Variants in DNAJC27 observed in about 807,000 individuals in gnomAD.
DNAJC27 encodes dnaJ homolog subfamily C member 27.
DNAJC27 carries 25 observed loss-of-function variants against 31.4 expected under a neutral mutation model. The observed-to-expected ratio is 0.80, with a 90% CI of 0.58 to 1.11. The LOEUF is 1.11. Among genes scored for constraint, DNAJC27 ranks in the 50% most tolerant of loss-of-function variants. The pLI is 0.00. For synonymous variants in DNAJC27, 106 were observed against 112.7 expected, an observed-to-expected ratio of 0.94 and a Z score of 0.37; for missense variants, 356 against 347.3, an observed-to-expected ratio of 1.02 and a Z score of -0.20.
chr2:24,954,508 G>C (rs1341395752), intron 5 of DNAJC27, among the ~76,000 whole-genome samples: 2 of 152,164 alleles, frequency 1.3e-5, no homozygotes, highest in Non-Finnish European at 2.9e-5. Context: ...GAAGGGCTTG[G>C]GAAACACTTT....
Position 24,946,355 on chromosome 2 carries a change from T to C in DNAJC27, c.*1261A>G, listed in dbSNP as rs1020924860. 9.9e-5 allele frequency: 15 copies of C among 152,256 alleles called. No individual in the cohort carries two copies. The highest frequency in any genetic ancestry group is 3.6e-4 in the African/African-American group (15 of 41,436). The allele number at this position is 152,256 out of a possible 1,614,324, so 9.4% of individuals were successfully genotyped here. A position where few individuals can be genotyped will look rare whatever the true frequency, so the allele number is the denominator to read the frequency against. ...GATCAACCAGATTCAGGCCAAGGCTTAGAAGAGGGAGGAGGCAGTGGCCAG... is the reference window on the plus strand; with the variant it reads ...GATCAACCAGATTCAGGCCAAGGCTCAGAAGAGGGAGGAGGCAGTGGCCAG... On this transcript the variant is annotated 3_prime_UTR_variant, in exon 7 of 7. Coordinates refer to ENST00000264711, the MANE Select transcript of DNAJC27 (RefSeq NM_016544.3).
intron 1 of DNAJC27, among the ~76,000 whole-genome samples, chr2:24,968,059 G>T (rs141504487): frequency 6.6e-6 from 1 of 150,982 alleles, no homozygotes; most frequent in African/African-American, 2.4e-5. Flanking sequence ...CTCAAAAAGA[G>T]AAAAAAAATT....
chr2:24,958,048 C>T, intron 3 of DNAJC27, 74 bp from the exon 4 acceptor site: 2 of 1,396,828 alleles, frequency 1.4e-6, no homozygotes, highest in Admixed American at 2.0e-5. Flanking sequence ...AGTCATTAAC[C>T]TGGCAAAGTG....
intron 4 of DNAJC27, 46 bp downstream of exon 4, chr2:24,957,764 C>T (rs2149125467): frequency 6.5e-7 from 1 of 1,547,932 alleles, no homozygotes; most frequent in Non-Finnish European, 8.9e-7. Context: ...CTCAAAGCTC[C>T]ACTCTTTCCC....
chr2:24,968,168 TAAC>T (rs1327436944), intron 1 of DNAJC27, among the ~76,000 whole-genome samples: 1 of 152,228 alleles, frequency 6.6e-6, no homozygotes, highest in Admixed American at 6.5e-5. Context: ...TTTTCTCTCT[TAAC>T]AATAATAAAT....
At chr2:24,965,503 G>A (rs1364442033) in intron 2 of DNAJC27, among the ~76,000 whole-genome samples, 2 of 152,072 alleles carry the variant, frequency 1.3e-5, no homozygotes, top group African/African-American at 4.8e-5. Context: ...TGATCTGCCT[G>A]CCTTGGCCTC....
intron 5 of DNAJC27, among the ~76,000 whole-genome samples, chr2:24,951,945 C>T (rs1665785274): frequency 6.6e-6 from 1 of 152,004 alleles, no homozygotes; most frequent in African/African-American, 2.4e-5. Flanking sequence ...CACGTCTCCA[C>T]ACACACAAAA....
rs749720100 is a variant in DNAJC27 at position 24,947,500 on chromosome 2, C to T, written c.*116G>A. ...TGAATTACTGATATACAAATGACAACACATGAATGAAAAGAGCAGTGAGAT... is the reference window on the plus strand; with the variant it reads ...TGAATTACTGATATACAAATGACAATACATGAATGAAAAGAGCAGTGAGAT... On this transcript the variant is annotated 3_prime_UTR_variant, in exon 7 of 7. Coordinates refer to ENST00000264711, the MANE Select transcript of DNAJC27 (RefSeq NM_016544.3). 2.4e-6 allele frequency: 3 copies of T among 1,268,416 alleles called. No individual in the cohort carries two copies. In the African/African-American group the frequency reaches 4.5e-5, roughly 19 times the overall value. The allele number at this position is 1,268,416 out of a possible 1,614,324, so 78.6% of individuals were successfully genotyped here.
chr2:24,944,186 G>A lies in DNAJC27; in HGVS notation c.*3430C>T, dbSNP rs1225314287. On this transcript the variant is annotated 3_prime_UTR_variant, in exon 7 of 7. Coordinates refer to ENST00000264711, the MANE Select transcript of DNAJC27 (RefSeq NM_016544.3). The stretch of plus-strand genomic sequence containing the variant: ...TTCAGAGTAAGCTTGATGGGGTACA[G>A]TGGCAAAGGAGGTGACATTCCCATG... 1 of 152,176 alleles carries A rather than the reference G, an allele frequency of 6.6e-6. No homozygotes were observed. Among genetic ancestry groups the A allele is most frequent in the Non-Finnish European group, 1.5e-5 (1 of 68,040 alleles). The allele number at this position is 152,176 out of a possible 1,614,324, so 9.4% of individuals were successfully genotyped here.
At chr2:24,956,958 T>C in intron 5 of DNAJC27, 85 bp downstream of exon 5, 2 of 1,490,420 alleles carry the variant, frequency 1.3e-6, no homozygotes, top group South Asian at 1.3e-5. Context: ...GAAATTCCTA[T>C]TACTTTTTTG....
At chr2:24,971,774 C>T (rs1457322784) in intron 1 of DNAJC27, 44 bp downstream of exon 1, 2 of 1,544,936 alleles carry the variant, frequency 1.3e-6, no homozygotes, top group Non-Finnish European at 1.7e-6. Flanking sequence ...GGACACGTCG[C>T]CCCGCCACGC....
In DNAJC27 at chr2:24,945,273, A is replaced by G. The variant is rs533977630; in HGVS notation, c.*2343T>C. The G allele has an allele frequency of 6.6e-6, 1 of 152,352 alleles. No homozygotes were observed. The highest frequency in any genetic ancestry group is 2.4e-5 in the African/African-American group (1 of 41,588). 9.4% of individuals were successfully genotyped at this position (152,352 alleles called of 1,614,324 possible). On this transcript the variant is annotated 3_prime_UTR_variant, in exon 7 of 7. Coordinates refer to ENST00000264711, the MANE Select transcript of DNAJC27 (RefSeq NM_016544.3). ...TACGTAAATGAAGTGGTATATGGCCATTCTTAACATTAATAATGAAGGTGT... is the reference window on the plus strand; with the variant it reads ...TACGTAAATGAAGTGGTATATGGCCGTTCTTAACATTAATAATGAAGGTGT...
chr2:24,965,966 A>T (rs1277294703), intron 2 of DNAJC27, among the ~76,000 whole-genome samples: 1 of 152,190 alleles, frequency 6.6e-6, no homozygotes, highest in Non-Finnish European at 1.5e-5. Context: ...ATAAATTTTC[A>T]GGGAGTTTAT....
intron 6 of DNAJC27, among the ~76,000 whole-genome samples, chr2:24,948,163 C>T (rs958614121): frequency 6.6e-6 from 1 of 151,902 alleles, no homozygotes; most frequent in Admixed American, 6.6e-5. Flanking sequence ...GAATGGAGCC[C>T]GAACACAGCA....
Position 24,947,545 on chromosome 2 carries a change from C to T in DNAJC27, c.*71G>A, listed in dbSNP as rs139413975. The T allele has an allele frequency of 1.3e-3, 1,917 of 1,519,492 alleles. 2 individuals are homozygous for T. Among genetic ancestry groups the T allele is most frequent in the Non-Finnish European group, 1.6e-3 (1,803 of 1,121,580 alleles). 94.1% of individuals were successfully genotyped at this position (1,519,492 alleles called of 1,614,324 possible). ...TGAGATTCTGGGAAGGAAAACTCCACGTTGGTTATTTCACCTCTAGGGAAA... is the reference window on the plus strand; with the variant it reads ...TGAGATTCTGGGAAGGAAAACTCCATGTTGGTTATTTCACCTCTAGGGAAA... On this transcript the variant is annotated 3_prime_UTR_variant, in exon 7 of 7. Transcript: ENST00000264711.
At position 24,945,537 on chromosome 2, in the gene DNAJC27, A is replaced by G. The variant is rs1413964172; in HGVS notation, c.*2079T>C. The G allele has an allele frequency of 6.6e-6, 1 of 152,228 alleles. No individual in the cohort carries two copies. The highest frequency in any genetic ancestry group is 1.9e-4 in the East Asian group (1 of 5,204). The allele number at this position is 152,228 out of a possible 1,614,324, so 9.4% of individuals were successfully genotyped here. A position where few individuals can be genotyped will look rare whatever the true frequency, so the allele number is the denominator to read the frequency against. ...TCAATTCGGGCTGACGCTACCGTGC[A>G]CGATCCCTCATTCATATGACTTCTA... On this transcript the variant is annotated 3_prime_UTR_variant, in exon 7 of 7. Coordinates refer to ENST00000264711, the MANE Select transcript of DNAJC27 (RefSeq NM_016544.3).
At chr2:24,957,191 A>G (rs1295053914) in intron 4 of DNAJC27, 26 bp from the exon 5 acceptor site, 1 of 1,566,458 alleles carries the variant, frequency 6.4e-7, no homozygotes, top group Non-Finnish European at 8.6e-7. Flanking sequence ...CGGGGGACAG[A>G]GAGAAGATTA....
At chr2:24,953,815 C>A (rs1401475055) in intron 5 of DNAJC27, among the ~76,000 whole-genome samples, 4 of 152,104 alleles carry the variant, frequency 2.6e-5, no homozygotes, top group Admixed American at 2.6e-4. Flanking sequence ...ATAGTGTAGG[C>A]TATAGAATAC....
At position 24,952,845 on chromosome 2, in the gene DNAJC27, G is replaced by GA. The variant is rs571253644; in HGVS notation, c.529-1292dup. ...GATTTGCATTTCTTTAATTAGAAGT[G>GA]AAAGTGGGTATCTTTCCAAATGCTT... On this transcript the variant is annotated intron_variant, in intron 5 of 6. Transcript: ENST00000264711. 8.6e-3 allele frequency among the ~76,000 whole-genome samples: 1,303 copies of GA among 152,242 alleles called. 19 individuals are homozygous for GA. The highest frequency in any genetic ancestry group is 0.029 in the African/African-American group (1,204 of 41,540).
Sources: gnomAD v4.1 joint callset for allele counts (sites outside exome capture counted in the v4.1 genomes callset) on GRCh38, gnomAD v4.1.1 for gene constraint, MANE v1.5 for transcripts, NCBI Gene and HGNC (gene_info 2026-07-23, HGNC 2026-07-21) for gene names.